ABCC12: variants seen among roughly 807,000 people sequenced by gnomAD.
ABCC12 encodes the protein ATP-binding cassette sub-family C member 12.
ABCC12 carries 142 observed loss-of-function variants against 151.1 expected under a neutral mutation model. The observed-to-expected ratio is 0.94, with a 90% CI of 0.82 to 1.08. ABCC12 has a LOEUF of 1.08. Ranked by LOEUF, ABCC12 falls within the 50% of genes least tolerant of loss-of-function variation. The pLI is 0.00. For synonymous variants in ABCC12, 645 were observed against 646.4 expected (o/e 1.00, Z 0.03); for missense variants, 1,638 against 1,691.1 (o/e 0.97, Z 0.55).
chr16:48,145,841 C>T (rs762225351), intron 3 of ABCC12, among the ~76,000 whole-genome samples: 2 of 152,194 alleles, frequency 1.3e-5, no homozygotes, highest in African/African-American at 2.4e-5. Flanking sequence ...GCCCAAGTTG[C>T]TTTATTTTAT....
Position 48,083,650 on chromosome 16 carries a change from C to T in ABCC12, c.*65G>A. On this transcript the variant is annotated 3_prime_UTR_variant, in exon 31 of 31. Coordinates refer to ENST00000311303, the MANE Select transcript of ABCC12 (RefSeq NM_001393797.1). The stretch of plus-strand genomic sequence containing the variant: ...GCCTGCGGAGAGGACAGCCCCTCCT[C>T]CTGAAGACTCCTCCTATTCATCTCA... 1 of 1,543,064 alleles carries T rather than the reference C, an allele frequency of 6.5e-7. No homozygotes were observed. Among genetic ancestry groups the T allele is most frequent in the Non-Finnish European group, 8.9e-7 (1 of 1,122,238 alleles).
chr16:48,132,177 C>G (rs1964449463), intron 9 of ABCC12, among the ~76,000 whole-genome samples: 1 of 152,168 alleles, frequency 6.6e-6, no homozygotes, highest in Non-Finnish European at 1.5e-5. Context: ...TCTTTTTGGT[C>G]TGGGATCACA....
intron 15 of ABCC12, among the ~76,000 whole-genome samples, chr16:48,113,589 TAGGCTCTGGAAA>T (rs1304565637): frequency 1.4e-4 from 21 of 152,186 alleles, no homozygotes; most frequent in African/African-American, 5.1e-4. Context: ...GCAGAGGGGA[TAGGCTCTGGAAA>T]AGCCCCGGGC....
intron 20 of ABCC12, among the ~76,000 whole-genome samples, chr16:48,107,098 T>C (rs1392555928): frequency 6.6e-6 from 1 of 152,146 alleles, no homozygotes; most frequent in East Asian, 1.9e-4. Flanking sequence ...GTCAACCCTT[T>C]AAAATCTGAA....
chr16:48,135,284 G>A (rs1964571738), intron 8 of ABCC12, among the ~76,000 whole-genome samples: 2 of 152,180 alleles, frequency 1.3e-5, no homozygotes, highest in South Asian at 2.1e-4. Flanking sequence ...AAACCTCAGC[G>A]TGGATATTTG....
chr16:48,123,830 C>T (rs1597316670), intron 12 of ABCC12, among the ~76,000 whole-genome samples: 1 of 152,242 alleles, frequency 6.6e-6, no homozygotes, highest in Non-Finnish European at 1.5e-5. Context: ...CATCTATAGT[C>T]ACCATGAGCT....
chr16:48,143,604 G>C (rs764979408), intron 4 of ABCC12, among the ~76,000 whole-genome samples: 2 of 152,138 alleles, frequency 1.3e-5, no homozygotes, highest in Non-Finnish European at 2.9e-5. Flanking sequence ...GTCGTGGGAG[G>C]GACCTGGTGG....
chr16:48,111,013 T>C (rs1469214910), intron 18 of ABCC12, among the ~76,000 whole-genome samples: 1 of 152,210 alleles, frequency 6.6e-6, no homozygotes, highest in Non-Finnish European at 1.5e-5. Context: ...ATGCTCCCCA[T>C]AAAGAGTGGG....
rs1962355885 is a variant in ABCC12 at position 48,081,832 on chromosome 16, C to T, written c.*1883G>A. Among the ~76,000 whole-genome samples, 1 of 152,182 alleles carries T rather than the reference C, an allele frequency of 6.6e-6. No homozygotes were observed. Among genetic ancestry groups the T allele is most frequent in the Non-Finnish European group, 1.5e-5 (1 of 68,028 alleles). ...TCTATCCTCTGTCCTCATGAAAACACCACCTCTTGAAATCACAGACTGATT... is the reference window on the plus strand; with the variant it reads ...TCTATCCTCTGTCCTCATGAAAACATCACCTCTTGAAATCACAGACTGATT... On this transcript the variant is annotated 3_prime_UTR_variant, in exon 31 of 31. Coordinates refer to ENST00000311303, the MANE Select transcript of ABCC12 (RefSeq NM_001393797.1).
At chr16:48,127,838 A>G (rs1014393495) in intron 11 of ABCC12, among the ~76,000 whole-genome samples, 1 of 152,192 alleles carries the variant, frequency 6.6e-6, no homozygotes, top group Non-Finnish European at 1.5e-5. Context: ...CCAAGACAGG[A>G]GAATCACTTG....
In ABCC12 at chr16:48,144,052, G is replaced by A. The variant is rs887447579; in HGVS notation, c.133C>T (p.Pro45Ser). 9 of 1,613,794 alleles carry A rather than the reference G, an allele frequency of 5.6e-6. No homozygotes were observed. The highest frequency in any genetic ancestry group is 7.6e-6 in the Non-Finnish European group (9 of 1,179,844). Reference protein sequence around the residue: ...VRPCARLAPNPVDDAGLLSFA... With the variant: ...VRPCARLAPNSVDDAGLLSFA... The stretch of plus-strand genomic sequence containing the variant: ...GAGAGTAGCCCGGCATCATCCACCG[G>A]GTTGGGTGCTAACCTGCAGACAAAC... The change falls in exon 4 of 31, where the codon CCG becomes TCG. Residue 45 changes from proline (P) to serine (S), a missense_variant. By Grantham distance (74) the Pro-to-Ser change is moderately conservative. Transcript: ENST00000311303.
intron 23 of ABCC12, among the ~76,000 whole-genome samples, chr16:48,100,483 C>T (rs536542567): frequency 2.7e-4 from 41 of 151,758 alleles, no homozygotes; most frequent in Non-Finnish European, 4.7e-4. Flanking sequence ...AAAAAGAAGA[C>T]GCCATGAATA....
intron 13 of ABCC12, among the ~76,000 whole-genome samples, chr16:48,117,854 C>A (rs1488391716): frequency 1.3e-5 from 2 of 152,200 alleles, no homozygotes; most frequent in African/African-American, 4.8e-5. Context: ...ATCCACCCCT[C>A]ACTGCTAGTA....
chr16:48,146,413 T>C lies in ABCC12; in HGVS notation c.12A>G (p.Glu4=), dbSNP rs376921453. 8 of 1,614,140 alleles carry C rather than the reference T, an allele frequency of 5.0e-6. No homozygotes were observed. In the South Asian group the frequency reaches 8.8e-5, roughly 18 times the overall value. ...CCAGATCTGAGATAAGGTAGGGTCC[T>C]TCACCCACCATCCTGATGGCAGCCT... MVG[E]GPYLISDLDQ... is the part of the protein sequence containing the mutation. Residue 4 remains glutamate, a synonymous_variant, in exon 3 of 31, where the codon GAA becomes GAG. Transcript: ENST00000311303.
At chr16:48,121,662 A>G (rs1267828832) in intron 13 of ABCC12, 54 bp downstream of exon 13, 8 of 1,604,178 alleles carry the variant, frequency 5.0e-6, no homozygotes, top group Non-Finnish European at 6.8e-6. Flanking sequence ...CAGCATCTGT[A>G]GGAGAGTGTG....
At chr16:48,120,429 C>G (rs1964026554) in intron 13 of ABCC12, among the ~76,000 whole-genome samples, 1 of 152,064 alleles carries the variant, frequency 6.6e-6, no homozygotes, top group African/African-American at 2.4e-5. Flanking sequence ...CACTATATAC[C>G]CCTGTAACAA....
intron 8 of ABCC12, among the ~76,000 whole-genome samples, chr16:48,136,625 T>G (rs548346399): frequency 6.6e-6 from 1 of 152,256 alleles, no homozygotes; most frequent in African/African-American, 2.4e-5. Flanking sequence ...TTGAGTGATC[T>G]GAAAGAAATG....
chr16:48,102,767 T>C (rs1963351938), intron 22 of ABCC12, among the ~76,000 whole-genome samples: 1 of 152,192 alleles, frequency 6.6e-6, no homozygotes, highest in Non-Finnish European at 1.5e-5. Flanking sequence ...CTCGTATTCT[T>C]ATTCCCCAAA....
At chr16:48,088,169 T>C in intron 26 of ABCC12, 84 bp from the exon 27 acceptor site, 1 of 1,451,874 alleles carries the variant, frequency 6.9e-7, no homozygotes, top group Non-Finnish European at 9.4e-7. Flanking sequence ...GTGGGATTTT[T>C]AATGCAATGC....
Sources: allele counts gnomAD v4.1 joint callset (sites outside exome capture counted in the v4.1 genomes callset), GRCh38; gene constraint gnomAD v4.1.1; transcripts MANE v1.5; gene names NCBI Gene and HGNC (gene_info 2026-07-23, HGNC 2026-07-21).